The following STAU2 variants were observed in gnomAD, a reference collection of about 807,000 sequenced individuals.
The protein encoded by STAU2 is double-stranded RNA-binding protein Staufen homolog 2.
A neutral mutation model predicts 65.9 loss-of-function variants in STAU2; 20 were observed. The ratio of observed to expected loss-of-function variants is 0.30; its 90% CI spans 0.21 to 0.44. STAU2 has a LOEUF of 0.44. Among genes scored for constraint, STAU2 ranks in the 20% least tolerant of loss-of-function variants. The probability of loss-of-function intolerance (pLI) is 1.00; values close to 1 mark genes in which losing one functional copy is unlikely to be tolerated. For missense variants in STAU2, 558 were observed against 683.9 expected (o/e 0.82, Z 2.05); for synonymous variants, 232 against 233.9 (o/e 0.99, Z 0.07).
At chr8:73,583,303 G>A (rs111582489) in intron 11 of STAU2, among the ~76,000 whole-genome samples, 27,706 of 151,672 alleles carry the variant, frequency 0.18, 2,770 homozygotes, top group African/African-American at 0.27. Context: ...CTGCCACCAC[G>A]CCCGGCTAAT....
upstream of STAU2, chr8:73,747,383 G>C (rs1807362284): frequency 6.5e-7 from 1 of 1,535,118 alleles, no homozygotes; most frequent in Non-Finnish European, 8.7e-7. Context: ...TTCCCCGCTC[G>C]TACCTTTCCC....
chr8:73,603,177 T>A (rs1486462753), intron 10 of STAU2, among the ~76,000 whole-genome samples: 2 of 152,216 alleles, frequency 1.3e-5, no homozygotes, highest in African/African-American at 4.8e-5. Flanking sequence ...GCATTCTACT[T>A]CATTCCTAGC....
At chr8:73,598,722 A>C (rs929821368) in intron 10 of STAU2, among the ~76,000 whole-genome samples, 1 of 152,136 alleles carries the variant, frequency 6.6e-6, no homozygotes, top group Non-Finnish European at 1.5e-5. Context: ...AAGAAGCAGA[A>C]GGGAAAAGAA....
intron 13 of STAU2, among the ~76,000 whole-genome samples, chr8:73,468,344 T>C (rs1050574842): frequency 2.6e-5 from 4 of 152,110 alleles, no homozygotes; most frequent in African/African-American, 9.7e-5. Context: ...ACTAAAACCA[T>C]AAAAACCCTA....
At chr8:73,673,582 T>G (rs768944303) in intron 5 of STAU2, among the ~76,000 whole-genome samples, 1 of 152,168 alleles carries the variant, frequency 6.6e-6, no homozygotes, top group Non-Finnish European at 1.5e-5. Flanking sequence ...CCCAGAAAGC[T>G]TGCATGTATT....
chr8:73,519,696 TACCAA>T (rs540497537), intron 13 of STAU2, among the ~76,000 whole-genome samples: 5 of 152,224 alleles, frequency 3.3e-5, no homozygotes, highest in Admixed American at 2.6e-4. Context: ...AAATGAATTT[TACCAA>T]ACCTAAGTCA....
At chr8:73,723,108 C>T (rs202124416) in intron 3 of STAU2, among the ~76,000 whole-genome samples, 1 of 148,976 alleles carries the variant, frequency 6.7e-6, no homozygotes, top group Non-Finnish European at 1.5e-5. Flanking sequence ...GCCCACACAC[C>T]CACACACACA....
chr8:73,562,742 C>A (rs564229832), intron 12 of STAU2, among the ~76,000 whole-genome samples: 6 of 152,016 alleles, frequency 3.9e-5, no homozygotes, highest in Non-Finnish European at 8.8e-5. Flanking sequence ...ATTATTCAGT[C>A]TATTATATAT....
intron 3 of STAU2, among the ~76,000 whole-genome samples, chr8:73,711,294 G>A (rs1475113045): frequency 1.3e-5 from 2 of 151,980 alleles, no homozygotes; most frequent in South Asian, 2.1e-4. Flanking sequence ...AAAGTCAGTC[G>A]TTATAAGAAA....
chr8:73,432,210 T>C (rs1057206646), intron 13 of STAU2, among the ~76,000 whole-genome samples: 1 of 152,208 alleles, frequency 6.6e-6, no homozygotes, highest in South Asian at 2.1e-4. Flanking sequence ...CTTGTTCATG[T>C]TGAACTCCTC....
intron 13 of STAU2, among the ~76,000 whole-genome samples, chr8:73,502,256 G>T: frequency 1.1e-5 from 1 of 93,820 alleles, no homozygotes; most frequent in African/African-American, 4.6e-5. Flanking sequence ...CTACAGAATT[G>T]CAGAAGCACC....
intron 13 of STAU2, among the ~76,000 whole-genome samples, chr8:73,542,928 G>A (rs1806644149): frequency 6.6e-6 from 1 of 152,052 alleles, no homozygotes; most frequent in Admixed American, 6.6e-5. Context: ...TCACTCTAAG[G>A]TATTTTCCCA....
intron 11 of STAU2, among the ~76,000 whole-genome samples, chr8:73,584,997 T>C (rs1433713299): frequency 6.6e-6 from 1 of 152,252 alleles, no homozygotes; most frequent in African/African-American, 2.4e-5. Context: ...CCTGTACTTA[T>C]CAAAGTGCTG....
chr8:73,442,723 G>A (rs532662345), intron 13 of STAU2, among the ~76,000 whole-genome samples: 1 of 152,290 alleles, frequency 6.6e-6, no homozygotes, highest in South Asian at 2.1e-4. Flanking sequence ...AACTTGTAAG[G>A]TTAAAAGTAT....
chr8:73,561,546 C>T (rs748423726), intron 12 of STAU2: 75 of 455,188 alleles, frequency 1.6e-4, no homozygotes, highest in Non-Finnish European at 2.6e-4. Context: ...TTCCCTACGA[C>T]AGAAAAACAC....
At chr8:73,437,792 C>T (rs1252053312) in intron 13 of STAU2, among the ~76,000 whole-genome samples, 2 of 152,082 alleles carry the variant, frequency 1.3e-5, no homozygotes, top group Non-Finnish European at 2.9e-5. Context: ...GTTGCCTCTG[C>T]CCACTCCTCA....
intron 13 of STAU2, among the ~76,000 whole-genome samples, chr8:73,514,206 A>G (rs1269597094): frequency 2.0e-5 from 3 of 152,136 alleles, no homozygotes; most frequent in African/African-American, 7.2e-5. Flanking sequence ...ATGTCTCTTT[A>G]GGAGAGATGC....
chr8:73,450,704 C>T (rs1278850036), intron 13 of STAU2, among the ~76,000 whole-genome samples: 1 of 152,188 alleles, frequency 6.6e-6, no homozygotes, highest in Non-Finnish European at 1.5e-5. Flanking sequence ...CTCAAGTACC[C>T]TCTGCCTTCA....
chr8:73,583,136 G>A (rs1192970395), intron 11 of STAU2, among the ~76,000 whole-genome samples: 3 of 149,420 alleles, frequency 2.0e-5, no homozygotes, highest in Admixed American at 1.3e-4. Context: ...GCTAGGTGGT[G>A]AAAAAAATAA....
Sources: gnomAD v4.1 joint callset for allele counts (sites outside exome capture counted in the v4.1 genomes callset) on GRCh38, gnomAD v4.1.1 for gene constraint, MANE v1.5 for transcripts, NCBI Gene and HGNC (gene_info 2026-07-23, HGNC 2026-07-21) for gene names.